The following BLNK variants were observed in gnomAD, a reference collection of about 807,000 sequenced individuals.
BLNK encodes B-cell linker protein.
In BLNK, 29 loss-of-function variants were observed where a neutral mutation model predicts 73.5. The ratio of observed to expected loss-of-function variants is 0.39; its 90% CI spans 0.29 to 0.54. BLNK has a LOEUF of 0.54. Ranked by LOEUF, BLNK falls within the 20% of genes least tolerant of loss-of-function variation. The probability of loss-of-function intolerance (pLI) is 0.61; values close to 1 mark genes in which losing one functional copy is unlikely to be tolerated. For synonymous variants in BLNK, 176 were observed against 200.8 expected (o/e 0.88, Z 1.04); for missense variants, 460 against 562.8 (o/e 0.82, Z 1.85).
At chr10:96,218,563 A>G (rs1554900350) in intron 6 of BLNK, among the ~76,000 whole-genome samples, 1 of 151,942 alleles carries the variant, frequency 6.6e-6, no homozygotes, top group Admixed American at 6.6e-5. Context: ...ACATATTGGT[A>G]TGCACCTGTA....
At chr10:96,192,632 A>G (rs1371729448) in intron 16 of BLNK, among the ~76,000 whole-genome samples, 3 of 152,186 alleles carry the variant, frequency 2.0e-5, no homozygotes, top group Non-Finnish European at 4.4e-5. Context: ...CTTAGAGTTA[A>G]CTTAGTGCCT....
chr10:96,252,931 C>G (rs1843349828), intron 1 of BLNK, among the ~76,000 whole-genome samples: 1 of 152,140 alleles, frequency 6.6e-6, no homozygotes, highest in South Asian at 2.1e-4. Context: ...TGTCACTCAT[C>G]CTGCAAAGAC....
chr10:96,239,652 G>A (rs1027920775), intron 3 of BLNK, among the ~76,000 whole-genome samples: 5 of 152,130 alleles, frequency 3.3e-5, no homozygotes, highest in Admixed American at 2.0e-4. Flanking sequence ...TATTTAAGAG[G>A]CATTTAAGAG....
Position 96,229,290 on chromosome 10 carries a change from A to G in BLNK, c.204+1504T>C, listed in dbSNP as rs1842405240. On this transcript the variant is annotated intron_variant, in intron 4 of 16. Transcript: ENST00000224337. ...AAACATCATTCTACTGTCCGTCTTT[A>G]TGAGTTCAAGTGTTTTAATTTTTAG... 2.1e-5 allele frequency among the ~76,000 whole-genome samples: 3 copies of G among 143,070 alleles called. No individual in the cohort carries two copies. In the Admixed American group the frequency reaches 2.3e-4, roughly 11 times the overall value. 93.9% of individuals were successfully genotyped at this position (143,070 alleles called of 152,430 possible).
intron 1 of BLNK, among the ~76,000 whole-genome samples, chr10:96,249,454 A>G (rs1301678198): frequency 1.3e-5 from 2 of 152,266 alleles, no homozygotes; most frequent in Admixed American, 1.3e-4. Flanking sequence ...AAGCTAAACA[A>G]TGCAGCCATG....
intron 1 of BLNK, among the ~76,000 whole-genome samples, chr10:96,267,756 T>C (rs971263859): frequency 6.6e-6 from 1 of 152,022 alleles, no homozygotes; most frequent in Non-Finnish European, 1.5e-5. Flanking sequence ...GTCAAAATAG[T>C]CAGAAAGAAG....
chr10:96,231,373 G>A (rs1275074068), intron 3 of BLNK, among the ~76,000 whole-genome samples: 1 of 152,166 alleles, frequency 6.6e-6, no homozygotes, highest in Non-Finnish European at 1.5e-5. Context: ...CTTAGTATGT[G>A]CCAGGCAATA....
intron 12 of BLNK, 184 bp from the exon 13 acceptor site, chr10:96,204,272 T>C (rs1004811551): frequency 2.0e-5 from 15 of 768,530 alleles, no homozygotes; most frequent in Non-Finnish European, 3.0e-5. Context: ...CTCTTCCTTT[T>C]AGTTTTGAAA....
At chr10:96,215,929 G>T (rs1163622964) in intron 7 of BLNK, 2 of 162,014 alleles carry the variant, frequency 1.2e-5, no homozygotes, top group African/African-American at 4.8e-5. Context: ...ATTCAGGTGG[G>T]TCTTGAAGCT....
intron 1 of BLNK, among the ~76,000 whole-genome samples, chr10:96,251,026 C>T (rs782042167): frequency 6.6e-6 from 1 of 152,202 alleles, no homozygotes; most frequent in African/African-American, 2.4e-5. Context: ...TTTCTTTGTG[C>T]TGAACACATT....
chr10:96,216,266 T>C (rs1187131471), intron 7 of BLNK: 9 of 243,658 alleles, frequency 3.7e-5, no homozygotes, highest in African/African-American at 1.8e-4. Context: ...TTTCACTCTT[T>C]CATTTTTTCA....
chr10:96,214,230 G>A lies in BLNK; in HGVS notation c.676+1091C>T, dbSNP rs140673254. On this transcript the variant is annotated intron_variant, in intron 8 of 16. Transcript: ENST00000224337. ...AGGAAATGCCTGTGAGAATGCTGGA[G>A]AGCAGGCTCCTACACCTCTCTGTGC... 1.1e-4 allele frequency among the ~76,000 whole-genome samples: 17 copies of A among 152,284 alleles called. No individual in the cohort carries two copies. In the East Asian group the frequency reaches 2.7e-3, roughly 24 times the overall value.
chr10:96,206,550 C>CAAAA (rs587613981), intron 11 of BLNK, among the ~76,000 whole-genome samples: 6 of 126,970 alleles, frequency 4.7e-5, no homozygotes, highest in East Asian at 2.4e-4. Flanking sequence ...GACCCTAACT[C>CAAAA]AAAAAAAAAA....
chr10:96,224,545 G>A (rs1161240057), intron 5 of BLNK, among the ~76,000 whole-genome samples: 3 of 152,160 alleles, frequency 2.0e-5, no homozygotes, highest in African/African-American at 7.2e-5. Flanking sequence ...GTCCAGGACT[G>A]TCCTTCTCAT....
At chr10:96,192,177 A>C in intron 16 of BLNK, 85 bp from the exon 17 acceptor site, 1 of 1,550,812 alleles carries the variant, frequency 6.4e-7, no homozygotes, top group Admixed American at 1.7e-5. Context: ...CTCATTCTCA[A>C]GTTAGTAAAA....
chr10:96,231,973 A>G (rs971413246), intron 3 of BLNK, among the ~76,000 whole-genome samples: 4 of 152,240 alleles, frequency 2.6e-5, no homozygotes, highest in Non-Finnish European at 4.4e-5. Context: ...GTGGCCCTTA[A>G]GTAGTTTATG....
intron 3 of BLNK, among the ~76,000 whole-genome samples, chr10:96,237,296 T>A (rs1474162108): frequency 6.6e-6 from 1 of 152,236 alleles, no homozygotes; most frequent in Non-Finnish European, 1.5e-5. Context: ...CCCATACTTC[T>A]GTGTGGGCAT....
rs1314960568 is a variant in BLNK, at chr10:96,231,226, G to A, written c.164-392C>T. On this transcript the variant is annotated intron_variant, in intron 3 of 16. Transcript: ENST00000224337. ...TAAGTTCTTATCCAGGCTCTGTTCC[G>A]AATGCGTTGGAGTGTGGGCAAGACC... Among the ~76,000 whole-genome samples the A allele has an allele frequency of 2.6e-5, 4 of 152,262 alleles. No individual in the cohort carries two copies. In the East Asian group the frequency reaches 5.8e-4, roughly 22 times the overall value.
In BLNK at chr10:96,224,227, G is replaced by A. The variant is rs587699713; in HGVS notation, c.362-238C>T. Reference sequence around the variant, plus strand: ...ATTAAAAACATCCTTCCGGGGCAGTGATGGACACCCAGAGGTTCAGGAGAA... The same window carrying A: ...ATTAAAAACATCCTTCCGGGGCAGTAATGGACACCCAGAGGTTCAGGAGAA... On this transcript the variant is annotated intron_variant, in intron 5 of 16. Transcript: ENST00000224337. 3.7e-4 allele frequency among the ~76,000 whole-genome samples: 57 copies of A among 152,334 alleles called. 1 individual carries two copies. Among genetic ancestry groups the A allele is most frequent in the Middle Eastern group, 6.8e-3 (2 of 294 alleles).
Sources: allele counts gnomAD v4.1 joint callset (sites outside exome capture counted in the v4.1 genomes callset), GRCh38; gene constraint gnomAD v4.1.1; transcripts MANE v1.5; gene names NCBI Gene and HGNC (gene_info 2026-07-23, HGNC 2026-07-21).